The following URB1 variants were observed in gnomAD, a reference collection of about 807,000 sequenced individuals.
URB1 encodes nucleolar pre-ribosomal-associated protein 1.
In URB1, 197 loss-of-function variants were observed where a neutral mutation model predicts 242.3. The ratio of observed to expected loss-of-function variants is 0.81; its 90% confidence interval spans 0.72 to 0.91. URB1 has a LOEUF of 0.91. URB1 is among the 40% of genes least tolerant of loss of function. The pLI, the probability that URB1 is intolerant of heterozygous loss-of-function variation, is 0.00. For synonymous variants in URB1, 1,153 were observed against 1,201.8 expected, an observed-to-expected ratio of 0.96 and a Z score of 0.84; for missense variants, 2,721 against 2,860.5, an observed-to-expected ratio of 0.95 and a Z score of 1.11.
At chr21:32,380,495 G>C (rs182658531) in intron 4 of URB1, among the ~76,000 whole-genome samples, 35 of 152,240 alleles carry the variant, frequency 2.3e-4, no homozygotes, top group Admixed American at 4.6e-4. Flanking sequence ...CATAGTGTCA[G>C]CAACACTCCA....
chr21:32,370,688 C>T (rs9979619), intron 8 of URB1, among the ~76,000 whole-genome samples: 22,868 of 152,198 alleles, frequency 0.15, 2,318 homozygotes, highest in African/African-American at 0.29. Context: ...TGTTAACCTA[C>T]ACCAGCGACT....
In URB1 at chr21:32,346,885, G is replaced by A. The variant is rs796543261; in HGVS notation, c.3868+71C>T. On this transcript the variant is annotated intron_variant, in intron 22 of 38. Transcript: ENST00000382751. ...ACCTGAATTTCTAGGGTTTAAAAAT[G>A]GCCATGCAGTTCACCTTCTTAGCCC... is the stretch of plus-strand genomic sequence containing the variant. 5 of 1,440,634 alleles carry A rather than the reference G, an allele frequency of 3.5e-6. No homozygotes were observed. In the South Asian group the frequency reaches 7.5e-5, roughly 22 times the overall value. 89.2% of individuals were successfully genotyped at this position (1,440,634 alleles called of 1,614,324 possible).
intron 26 of URB1, among the ~76,000 whole-genome samples, chr21:32,338,414 C>T (rs2032987611): frequency 6.6e-6 from 1 of 152,156 alleles, no homozygotes; most frequent in African/African-American, 2.4e-5. Context: ...GCGTGACTTC[C>T]CCTCGATCCC....
At chr21:32,380,447 AT>A (rs2146051205) in intron 4 of URB1, among the ~76,000 whole-genome samples, 1 of 152,362 alleles carries the variant, frequency 6.6e-6, no homozygotes, top group Admixed American at 6.5e-5. Flanking sequence ...AGGAGTTTGC[AT>A]CCAATGATCA....
Position 32,334,179 on chromosome 21 carries a change from C to G in URB1, c.4841G>C (p.Arg1614Thr). Residue 1614 changes from arginine (R) to threonine (T), a missense_variant, in exon 29 of 39, where the codon AGG becomes ACG. Coordinates refer to ENST00000382751, the MANE Select transcript of URB1 (RefSeq NM_014825.3). ...QTILHFPQNR[R>T]LLPPEDTQEL... ...CAGCCCAACCTCGGGGGGCAGCAGC[C>G]TCCGGTTCTGGGGGAAGTGCAGGAT... is the stretch of plus-strand genomic sequence containing the variant. The G allele has an allele frequency of 6.5e-7, 1 of 1,547,396 alleles. No homozygotes were observed. Among genetic ancestry groups the G allele is most frequent in the South Asian group, 1.2e-5 (1 of 83,832 alleles).
chr21:32,348,420 TTGAG>T (rs2033119126), intron 21 of URB1, among the ~76,000 whole-genome samples: 1 of 152,212 alleles, frequency 6.6e-6, no homozygotes, highest in Non-Finnish European at 1.5e-5. Flanking sequence ...AGACTGGGCC[TTGAG>T]TGACCCCACA....
At chr21:32,324,881 T>G (rs1032964650) in intron 31 of URB1, among the ~76,000 whole-genome samples, 1 of 152,108 alleles carries the variant, frequency 6.6e-6, no homozygotes, top group African/African-American at 2.4e-5. Flanking sequence ...TCCAGCACCA[T>G]GGGGTACAGG....
intron 8 of URB1, among the ~76,000 whole-genome samples, chr21:32,370,734 G>T (rs1283284328): frequency 6.6e-6 from 1 of 152,228 alleles, no homozygotes; most frequent in Non-Finnish European, 1.5e-5. Context: ...ATTGTAATTT[G>T]ATTGGGACAC....
rs2032694693 is a variant in URB1 at position 32,316,819 on chromosome 21, T to C, written c.6281A>G (p.Tyr2094Cys). 1 of 1,547,478 alleles carries C rather than the reference T, an allele frequency of 6.5e-7. No homozygotes were observed. The highest frequency in any genetic ancestry group is 8.7e-7 in the Non-Finnish European group (1 of 1,144,218). The change falls in exon 38 of 39, where the codon TAT becomes TGT. Residue 2094 changes from tyrosine to cysteine, a missense_variant. Physicochemically the swap from Tyr to Cys is radical, Grantham distance 194. Transcript: ENST00000382751. ...ACTGACTGCCAGGGAAGCGGCAGCA[T>C]ATACGGGGCCTGGCGCATCGCTCTC... ...SPESDAPGPV[Y>C]AAASLAVSWV... is the part of the protein sequence containing the mutation.
Position 32,361,903 on chromosome 21 carries a change from G to C in URB1, c.1628C>G (p.Ala543Gly), listed in dbSNP as rs996401464. ...CCCTGAGACCTTACCGCACTGGTGA[G>C]CATCGCAGGCAGCCGGGGGCCCATC... ...RSDGPPAACD[A>G]HQCDDAETIL... The change falls in exon 12 of 39, where the codon GCT (alanine) becomes GGT (glycine). Residue 543 changes from alanine (A) to glycine (G), a missense_variant. Transcript: ENST00000382751. 12 of 1,551,248 alleles carry C rather than the reference G, an allele frequency of 7.7e-6. No individual in the cohort carries two copies. The highest frequency in any genetic ancestry group is 2.7e-5 in the African/African-American group (2 of 73,162).
At chr21:32,341,386 C>T in intron 25 of URB1, 80 bp downstream of exon 25, 1 of 1,380,930 alleles carries the variant, frequency 7.2e-7, no homozygotes, top group South Asian at 1.3e-5. Flanking sequence ...ATGCTAATAA[C>T]AAGCTATAAA....
At position 32,357,586 on chromosome 21, in the gene URB1, G is replaced by A. The variant is rs1239548957; in HGVS notation, c.1940C>T (p.Thr647Ile). ...TGACTTCAGTTGTAAATGGCTACTG[G>A]TCACAAACATTTTCATTAGTAAGTA... ...VFYLLMKMFV[T>I]SSHLQLKSLT... Residue 647 changes from threonine (T) to isoleucine (I), a missense_variant, in exon 15 of 39, where the codon ACC (threonine) becomes ATC (isoleucine). Coordinates refer to ENST00000382751, the MANE Select transcript of URB1 (RefSeq NM_014825.3). The A allele has an allele frequency of 2.0e-6, 3 of 1,534,854 alleles. No individual in the cohort carries two copies. The highest frequency in any genetic ancestry group is 1.8e-6 in the Non-Finnish European group (2 of 1,142,006).
At chr21:32,337,031 G>T in intron 28 of URB1, 63 bp downstream of exon 28, 1 of 1,466,256 alleles carries the variant, frequency 6.8e-7, no homozygotes, top group Non-Finnish European at 9.3e-7. Context: ...CGAGTCTGGA[G>T]CTCACTGTGT....
Position 32,386,920 on chromosome 21 carries a change from GGATGATTCCTGCTCATGCAATGGAGCT to G in URB1, c.143-1263_143-1237del, listed in dbSNP as rs563531258. Among the ~76,000 whole-genome samples the G allele has an allele frequency of 1.4e-3, 214 of 152,282 alleles. 1 individual carries two copies. Among genetic ancestry groups the G allele is most frequent in the African/African-American group, 4.9e-3 (205 of 41,534 alleles). On this transcript the variant is annotated intron_variant, in intron 1 of 38. Transcript: ENST00000382751. ...AGCCCATATTCTCCCTCCACGAACT[GGATGATTCCTGCTCATGCAATGGAGCT>G]GATGCCTGTTGCTCTGAGTGCACTG...
At chr21:32,349,279 G>C in intron 21 of URB1, 25 bp downstream of exon 21, 2 of 1,507,340 alleles carry the variant, frequency 1.3e-6, no homozygotes, top group Non-Finnish European at 1.8e-6. Context: ...CTGAGAATAG[G>C]CTACCAGGCA....
intron 5 of URB1, 73 bp from the exon 6 acceptor site, chr21:32,375,556 G>T: frequency 1.2e-6 from 1 of 855,458 alleles, no homozygotes; most frequent in East Asian, 3.0e-5. Flanking sequence ...GAATATTACT[G>T]TTTAGGTGGT....
In URB1 at chr21:32,337,533, G is replaced by GA; in HGVS notation, c.4511-20dup. Reference sequence around the variant, plus strand: ...AGCGCTTCTGCAAGAAAACAACCCTGAAACACATGGCATGGTGGGGCAGAC... The same window carrying GA: ...AGCGCTTCTGCAAGAAAACAACCCTGAAAACACATGGCATGGTGGGGCAGAC... On this transcript the variant is annotated intron_variant, in intron 26 of 38. Coordinates refer to ENST00000382751, the MANE Select transcript of URB1 (RefSeq NM_014825.3). 3.9e-6 allele frequency: 6 copies of GA among 1,546,244 alleles called. No individual in the cohort carries two copies. The highest frequency in any genetic ancestry group is 5.3e-6 in the Non-Finnish European group (6 of 1,142,308).
chr21:32,366,009 G>A (rs760116126), intron 10 of URB1, among the ~76,000 whole-genome samples: 68 of 152,346 alleles, frequency 4.5e-4, no homozygotes, highest in Admixed American at 2.1e-3. Context: ...CTAGGCCCAT[G>A]ATGCTGCGGT....
At chr21:32,361,742 G>T in intron 12 of URB1, 150 bp downstream of exon 12, 1 of 1,154,838 alleles carries the variant, frequency 8.7e-7, no homozygotes, top group Non-Finnish European at 1.2e-6. Context: ...TTCTCCCTAA[G>T]CAAAAAAGGA....
Sources: allele counts gnomAD v4.1 joint callset (sites outside exome capture counted in the v4.1 genomes callset), GRCh38; gene constraint gnomAD v4.1.1; transcripts MANE v1.5; gene names NCBI Gene and HGNC (gene_info 2026-07-23, HGNC 2026-07-21).